PCDHGB3: variants seen among roughly 807,000 people sequenced by gnomAD.
PCDHGB3 encodes protocadherin gamma subfamily B, 3.
Under a neutral mutation model 59.2 loss-of-function variants are expected in PCDHGB3, and 40 were observed. The ratio of observed to expected loss-of-function variants is 0.68; its 90% CI spans 0.52 to 0.88. PCDHGB3 has a LOEUF of 0.88. Ranked by LOEUF, PCDHGB3 falls within the 40% of genes least tolerant of loss-of-function variation. The pLI is 0.00. For synonymous variants in PCDHGB3, 581 were observed against 503.6 expected, an observed-to-expected ratio of 1.15 and a Z score of -2.06; for missense variants, 1,309 against 1,187.9, an observed-to-expected ratio of 1.10 and a Z score of -1.50.
intron 1 of PCDHGB3, chr5:141,419,815 A>T: frequency 6.2e-7 from 1 of 1,613,988 alleles, no homozygotes. Context: ...GAGGACAGCC[A>T]CCCCTTTCAG....
chr5:141,437,307 G>A (rs1172152732), intron 1 of PCDHGB3, among the ~76,000 whole-genome samples: 7 of 152,120 alleles, frequency 4.6e-5, no homozygotes, highest in South Asian at 2.1e-4. Context: ...AAGTTAAAGC[G>A]TTCAGCTATA....
intron 1 of PCDHGB3, chr5:141,422,258 A>G (rs2096637047): frequency 6.4e-7 from 1 of 1,565,282 alleles, no homozygotes; most frequent in East Asian, 2.2e-5. Flanking sequence ...GTGAATGATA[A>G]CGCTCCAGAA....
chr5:141,404,945 G>A (rs753544983), intron 1 of PCDHGB3: 6 of 1,613,952 alleles, frequency 3.7e-6, no homozygotes, highest in Non-Finnish European at 5.1e-6. Flanking sequence ...AGTAGCCATA[G>A]CTGACAGCAT....
rs183952562 is a variant in PCDHGB3 at position 141,423,399 on chromosome 5, C to A, written c.2415+50590C>A. On this transcript the variant is annotated intron_variant, in intron 1 of 3. Transcript: ENST00000576222. ...GGCTGTGGCGCTGGCATAAGTCACG[C>A]CTGCTGCAGGCTTCTGAAGGCGGGT... 3.5e-5 allele frequency: 56 copies of A among 1,614,150 alleles called. No homozygotes were observed. The East Asian group carries it at 1.1e-3, about 33-fold the overall frequency.
At chr5:141,488,565 C>T (rs1308485284) in intron 1 of PCDHGB3, among the ~76,000 whole-genome samples, 1 of 152,174 alleles carries the variant, frequency 6.6e-6, no homozygotes, top group Non-Finnish European at 1.5e-5. Flanking sequence ...GAGATTTCCG[C>T]AAAGCATTGC....
chr5:141,498,976 G>A (rs1311505059), intron 2 of PCDHGB3, among the ~76,000 whole-genome samples: 1 of 13,010 alleles, frequency 7.7e-5, no homozygotes, highest in Non-Finnish European at 2.3e-4. Context: ...AGGGAGGGAA[G>A]GAAGGAAGGA....
chr5:141,495,878 T>C (rs2099764378), intron 2 of PCDHGB3, among the ~76,000 whole-genome samples: 1 of 152,184 alleles, frequency 6.6e-6, no homozygotes, highest in African/African-American at 2.4e-5. Context: ...TTCCTCTCTG[T>C]TCTTTGTCTC....
intron 1 of PCDHGB3, chr5:141,419,023 A>C: frequency 6.2e-7 from 1 of 1,613,958 alleles, no homozygotes; most frequent in East Asian, 2.2e-5. Context: ...GCTTAAGTAG[A>C]GGTGTTCCAT....
intron 1 of PCDHGB3, chr5:141,422,603 C>G: frequency 6.2e-7 from 1 of 1,614,078 alleles, no homozygotes; most frequent in Non-Finnish European, 8.5e-7. Context: ...TCCTCTTACT[C>G]TGCCTACATT....
At chr5:141,421,159 C>G (rs2096549842) in intron 1 of PCDHGB3, 3 of 1,236,898 alleles carry the variant, frequency 2.4e-6, no homozygotes. Flanking sequence ...CCTAGGACTT[C>G]ATAGATACAT....
At position 141,485,301 on chromosome 5, in the gene PCDHGB3, C is replaced by T; in HGVS notation, c.2416-9506C>T. 1 of 1,614,124 alleles carries T rather than the reference C, an allele frequency of 6.2e-7. No homozygotes were observed. The highest frequency in any genetic ancestry group is 1.1e-5 in the South Asian group (1 of 91,082). The stretch of plus-strand genomic sequence containing the variant: ...GTCCCAGAGGAGTCACAGGAAGGGA[C>T]TTTTGTAGGGAATGTCGCTCAAGAT... On this transcript the variant is annotated intron_variant, in intron 1 of 3. Coordinates refer to ENST00000576222, the MANE Select transcript of PCDHGB3 (RefSeq NM_018924.5). This position sits in a 1 kb window ranked among gnomAD's most constrained non-coding sequence, Gnocchi z 5.7.
At chr5:141,438,159 T>TA (rs974013542) in intron 1 of PCDHGB3, among the ~76,000 whole-genome samples, 44 of 152,258 alleles carry the variant, frequency 2.9e-4, no homozygotes, top group African/African-American at 9.9e-4. Context: ...ATGGCAAAGC[T>TA]AATTGGAAAA....
Position 141,393,949 on chromosome 5 carries a change from A to G in PCDHGB3, c.2415+21140A>G, listed in dbSNP as rs370166968. 2.5e-6 allele frequency: 4 copies of G among 1,613,874 alleles called. No individual in the cohort carries two copies. The highest frequency in any genetic ancestry group is 3.4e-6 in the Non-Finnish European group (4 of 1,179,890). Reference sequence around the variant, plus strand: ...GTGCATGACCAAGACTCTGGAAAGAATGGTCAAGTTGTCTGTTACACACGT... The same window carrying G: ...GTGCATGACCAAGACTCTGGAAAGAGTGGTCAAGTTGTCTGTTACACACGT... On this transcript the variant is annotated intron_variant, in intron 1 of 3. Coordinates refer to ENST00000576222, the MANE Select transcript of PCDHGB3 (RefSeq NM_018924.5).
Position 141,372,708 on chromosome 5 carries a change from G to T in PCDHGB3, c.2314G>T (p.Ala772Ser). Residue 772 changes from alanine (A) to serine (S), a missense_variant, in exon 1 of 4, where the codon GCT (alanine) becomes TCT (serine). Ala to Ser is a moderately conservative substitution (Grantham distance 99, BLOSUM62 1). Transcript: ENST00000576222. ...CGAGTTTAAATTTCTCAATATAAAG[G>T]CTGAAAATGCTGCACCACAAGATCT... The part of the protein sequence containing the change: ...NTEFKFLNIK[A>S]ENAAPQDLLC... 1 of 1,613,898 alleles carries T rather than the reference G, an allele frequency of 6.2e-7. No homozygotes were observed. Among genetic ancestry groups the T allele is most frequent in the Non-Finnish European group, 8.5e-7 (1 of 1,179,848 alleles).
At chr5:141,423,367 G>A (rs1478466218) in intron 1 of PCDHGB3, 2 of 1,614,068 alleles carry the variant, frequency 1.2e-6, no homozygotes, top group Admixed American at 1.7e-5. Context: ...CGTGCTGCTG[G>A]CACTCAGGCT....
In PCDHGB3 at chr5:141,399,480, G is replaced by T. The variant is rs760135566; in HGVS notation, c.2415+26671G>T. ...ATAACGCTCCGGTTTTCCACCAGGC[G>T]TCCTACTTAGTCAGTGTACCCGAAA... On this transcript the variant is annotated intron_variant, in intron 1 of 3. Coordinates refer to ENST00000576222, the MANE Select transcript of PCDHGB3 (RefSeq NM_018924.5). The T allele has an allele frequency of 1.9e-5, 31 of 1,613,886 alleles. No homozygotes were observed. In the South Asian group the frequency reaches 3.2e-4, roughly 17 times the overall value.
intron 1 of PCDHGB3, chr5:141,421,613 A>T (rs2096587756): frequency 6.2e-7 from 1 of 1,613,720 alleles, no homozygotes; most frequent in Admixed American, 1.7e-5. Context: ...GATATTAATG[A>T]TAACGCCCCC....
At chr5:141,492,601 C>T (rs1374321466) in intron 1 of PCDHGB3, among the ~76,000 whole-genome samples, 2 of 152,220 alleles carry the variant, frequency 1.3e-5, no homozygotes, top group East Asian at 3.9e-4. Context: ...GGAGCGACTG[C>T]CGCTCTAAGT....
intron 1 of PCDHGB3, among the ~76,000 whole-genome samples, chr5:141,446,719 G>C (rs899985752): frequency 2.6e-5 from 4 of 152,056 alleles, no homozygotes; most frequent in Admixed American, 1.3e-4. Flanking sequence ...TGCCCGCCTC[G>C]GCCTCCCAAA....
Sources: allele counts gnomAD v4.1 joint callset (sites outside exome capture counted in the v4.1 genomes callset), GRCh38; gene constraint gnomAD v4.1.1; non-coding constraint Gnocchi (gnomAD v3.1); transcripts MANE v1.5; gene names NCBI Gene and HGNC (gene_info 2026-07-23, HGNC 2026-07-21).